Variants in RASGRP1 observed in about 807,000 individuals in gnomAD.
RASGRP1 encodes RAS guanyl releasing protein 1, also known as RAS guanyl-releasing protein 1.
A neutral mutation model predicts 95.1 loss-of-function variants in RASGRP1; 37 were observed. The ratio of observed to expected loss-of-function variants is 0.39; its 90% CI spans 0.30 to 0.51. The LOEUF (loss-of-function observed/expected upper bound fraction) is 0.51. Ranked by LOEUF, RASGRP1 falls within the 20% of genes least tolerant of loss-of-function variation. RASGRP1 has a pLI of 0.80. For missense variants in RASGRP1, 711 were observed against 965.4 expected (o/e 0.74, Z 3.49); for synonymous variants, 325 against 353.4 (o/e 0.92, Z 0.90).
At chr15:38,550,366 TAAAAA>T (rs1022570622) in intron 2 of RASGRP1, among the ~76,000 whole-genome samples, 2 of 151,738 alleles carry the variant, frequency 1.3e-5, no homozygotes, top group Admixed American at 1.3e-4. Flanking sequence ...TAATACAAAA[TAAAAA>T]AAAGTTCACA....
chr15:38,554,778 G>C (rs1479924523), intron 2 of RASGRP1, among the ~76,000 whole-genome samples: 1 of 152,232 alleles, frequency 6.6e-6, no homozygotes, highest in African/African-American at 2.4e-5. Context: ...CAGGATGCAA[G>C]TGCCCCCGAG....
chr15:38,522,198 G>T (rs533247724), intron 3 of RASGRP1, among the ~76,000 whole-genome samples: 1 of 152,272 alleles, frequency 6.6e-6, no homozygotes, highest in African/African-American at 2.4e-5. Context: ...ACACAAATAG[G>T]TAAGTTACAG....
intron 11 of RASGRP1, chr15:38,503,041 A>G (rs1013847196): frequency 3.6e-6 from 2 of 562,354 alleles, no homozygotes; most frequent in East Asian, 2.9e-5. Context: ...CTTTAAGCAT[A>G]TGCTCTTTTG....
chr15:38,506,783 A>G (rs1450088733), intron 9 of RASGRP1, among the ~76,000 whole-genome samples: 1 of 152,156 alleles, frequency 6.6e-6, no homozygotes, highest in African/African-American at 2.4e-5. Context: ...TTACATGCAT[A>G]TTTAAAAATA....
At chr15:38,537,916 C>T (rs747214286) in intron 2 of RASGRP1, among the ~76,000 whole-genome samples, 12 of 152,178 alleles carry the variant, frequency 7.9e-5, no homozygotes, top group Non-Finnish European at 1.6e-4. Flanking sequence ...GAATCTCTTA[C>T]TATTCAAAGG....
rs1385258093 is a variant in RASGRP1 at position 38,512,822 on chromosome 15, G to A, written c.810C>T (p.Leu270=). The A allele has an allele frequency of 6.2e-7, 1 of 1,613,750 alleles. No homozygotes were observed. Among genetic ancestry groups the A allele is most frequent in the Non-Finnish European group, 8.5e-7 (1 of 1,179,770 alleles). ...LMVLSRPTPQ[L]RAEVFIKFIQ... Reference sequence around the variant, plus strand: ...TGAACTTGATGAAGACTTCTGCTCGGAGCTGCGGCGTGGGGCGGCTGAGAA... The same window carrying A: ...TGAACTTGATGAAGACTTCTGCTCGAAGCTGCGGCGTGGGGCGGCTGAGAA... The change falls in exon 7 of 17, where the codon CTC becomes CTT. Residue 270 remains leucine, a synonymous_variant. Coordinates refer to ENST00000310803, the MANE Select transcript of RASGRP1 (RefSeq NM_005739.4).
At chr15:38,546,356 C>T (rs980632952) in intron 2 of RASGRP1, among the ~76,000 whole-genome samples, 10 of 152,000 alleles carry the variant, frequency 6.6e-5, no homozygotes, top group South Asian at 2.1e-4. Flanking sequence ...TATTCTGTTG[C>T]GGCTGGGGCT....
chr15:38,554,336 G>A (rs779950532), intron 2 of RASGRP1, among the ~76,000 whole-genome samples: 1 of 152,134 alleles, frequency 6.6e-6, no homozygotes, highest in Non-Finnish European at 1.5e-5. Context: ...GTCAAGTTAG[G>A]TAAAGGCTCA....
At chr15:38,551,280 T>C (rs1893328843) in intron 2 of RASGRP1, among the ~76,000 whole-genome samples, 1 of 152,232 alleles carries the variant, frequency 6.6e-6, no homozygotes, top group Admixed American at 6.5e-5. Context: ...TGAAGGACTT[T>C]CTTCAAGTTT....
intron 2 of RASGRP1, among the ~76,000 whole-genome samples, chr15:38,537,818 C>T (rs1398065006): frequency 2.6e-5 from 4 of 152,202 alleles, no homozygotes; most frequent in Non-Finnish European, 5.9e-5. Context: ...AACGCCAGAA[C>T]CCTCAAGAGT....
intron 6 of RASGRP1, among the ~76,000 whole-genome samples, chr15:38,515,281 GAGA>G (rs1206474975): frequency 6.6e-6 from 1 of 152,130 alleles, no homozygotes; most frequent in Non-Finnish European, 1.5e-5. Context: ...CCCTCACCAG[GAGA>G]ATACTGGTCA....
chr15:38,520,603 G>T lies in RASGRP1; in HGVS notation c.327-1232C>A, dbSNP rs117621634. ...TAAATTGAAACCTTATTAAGTTTAT[G>T]CATAGCTTTGGAACATCTAAGATAA... On this transcript the variant is annotated intron_variant, in intron 3 of 16. Transcript: ENST00000310803. Among the ~76,000 whole-genome samples the T allele has an allele frequency of 5.0e-3, 755 of 152,200 alleles. 3 individuals are homozygous for T. Among genetic ancestry groups the T allele is most frequent in the Non-Finnish European group, 6.8e-3 (465 of 67,996 alleles).
chr15:38,503,691 G>GTC, intron 10 of RASGRP1: 1 of 319,468 alleles, frequency 3.1e-6, no homozygotes, highest in Non-Finnish European at 5.7e-6. Context: ...AAAGAGTAAA[G>GTC]TGGATCATTT....
chr15:38,494,807 G>T, intron 15 of RASGRP1, 40 bp from the exon 16 acceptor site: 1 of 1,358,598 alleles, frequency 7.4e-7, no homozygotes, highest in South Asian at 2.2e-5. Flanking sequence ...TCTAGCTCAG[G>T]AAAGCAGAGA....
rs1302475741 is a variant in RASGRP1 at position 38,546,228 on chromosome 15, TTTA to T, written c.220+13590_220+13592del. On this transcript the variant is annotated intron_variant, in intron 2 of 16. Coordinates refer to ENST00000310803, the MANE Select transcript of RASGRP1 (RefSeq NM_005739.4). Reference sequence around the variant, plus strand: ...AATTATAACTTTATTTATTTATTTATTTATTTTTGAGATGGAGTCCCGCTCTGT... The same window carrying T: ...AATTATAACTTTATTTATTTATTTATTTTTTGAGATGGAGTCCCGCTCTGT... Among the ~76,000 whole-genome samples the T allele has an allele frequency of 8.5e-3, 1,284 of 150,648 alleles. 14 individuals are homozygous for T. The highest frequency in any genetic ancestry group is 0.03 in the African/African-American group (1,214 of 40,060).
chr15:38,502,995 T>TC (rs1286448686), intron 11 of RASGRP1: 18 of 484,706 alleles, frequency 3.7e-5, no homozygotes, highest in African/African-American at 3.3e-4. Flanking sequence ...CTCAAATGCA[T>TC]CCCAATACTT....
intron 6 of RASGRP1, 65 bp downstream of exon 6, chr15:38,516,132 G>T: frequency 6.6e-7 from 1 of 1,505,894 alleles, no homozygotes; most frequent in South Asian, 1.1e-5. Flanking sequence ...ATGGGCTGTT[G>T]AATTATCATC....
chr15:38,514,529 T>A (rs1442148352), intron 6 of RASGRP1, among the ~76,000 whole-genome samples: 1 of 152,128 alleles, frequency 6.6e-6, no homozygotes, highest in Non-Finnish European at 1.5e-5. Flanking sequence ...TGCCTTTCAA[T>A]TCACAGCACA....
Position 38,530,944 on chromosome 15 carries a change from G to T in RASGRP1, c.221-4540C>A, listed in dbSNP as rs550631924. On this transcript the variant is annotated intron_variant, in intron 2 of 16. Transcript: ENST00000310803. ...CCAGAGTAGATGGATAGAAATTATA[G>T]GAAATAGGATTGGGCACAACATGTG... Among the ~76,000 whole-genome samples the T allele has an allele frequency of 5.9e-5, 9 of 152,266 alleles. No homozygotes were observed. The South Asian group carries it at 1.7e-3, about 28-fold the overall frequency.
Sources: allele counts gnomAD v4.1 joint callset (sites outside exome capture counted in the v4.1 genomes callset), GRCh38; gene constraint gnomAD v4.1.1; transcripts MANE v1.5; gene names NCBI Gene and HGNC (gene_info 2026-07-23, HGNC 2026-07-21).